EVA1C: variants seen among roughly 807,000 people sequenced by gnomAD.
The protein encoded by EVA1C is protein eva-1 homolog C.
In EVA1C, 25 loss-of-function variants were observed where a neutral mutation model predicts 45.4. The ratio of observed to expected loss-of-function variants is 0.55; its 90% CI spans 0.40 to 0.77. The LOEUF is 0.77. Among genes scored for constraint, EVA1C ranks in the 30% least tolerant of loss-of-function variants. The pLI is 0.00. For synonymous variants in EVA1C, 190 were observed against 221.2 expected (o/e 0.86, Z 1.25); for missense variants, 479 against 554.8 (o/e 0.86, Z 1.37).
At chr21:32,449,568 A>G (rs1037031236) in intron 1 of EVA1C, among the ~76,000 whole-genome samples, 2 of 151,032 alleles carry the variant, frequency 1.3e-5, no homozygotes, top group Non-Finnish European at 2.9e-5. Flanking sequence ...TTAGTGCTAA[A>G]TAACATTCCA....
At chr21:32,511,400 A>G (rs2037942636) in intron 7 of EVA1C, among the ~76,000 whole-genome samples, 1 of 135,326 alleles carries the variant, frequency 7.4e-6, no homozygotes, top group Non-Finnish European at 1.5e-5. Context: ...AGCCTGGGCA[A>G]CTGAGCAAAA....
chr21:32,438,651 C>G (rs1438638118), intron 1 of EVA1C, among the ~76,000 whole-genome samples: 1 of 152,060 alleles, frequency 6.6e-6, no homozygotes, highest in Non-Finnish European at 1.5e-5. Flanking sequence ...TCCAGGAAAG[C>G]CCCACTGGTA....
chr21:32,415,493 G>A (rs749957941), intron 1 of EVA1C, among the ~76,000 whole-genome samples: 4 of 152,056 alleles, frequency 2.6e-5, no homozygotes, highest in Admixed American at 1.3e-4. Context: ...GCAGAGTTTT[G>A]GAAAGTTCCT....
intron 4 of EVA1C, among the ~76,000 whole-genome samples, chr21:32,470,554 C>T (rs1032905848): frequency 6.6e-6 from 1 of 152,194 alleles, no homozygotes; most frequent in Admixed American, 6.5e-5. Flanking sequence ...GACTTGTGAG[C>T]TCCTGAACCC....
chr21:32,487,287 G>C (rs905901494), intron 4 of EVA1C, among the ~76,000 whole-genome samples: 1 of 152,154 alleles, frequency 6.6e-6, no homozygotes, highest in Non-Finnish European at 1.5e-5. Context: ...CCCCAAGCTG[G>C]AGAGAGAGGC....
intron 6 of EVA1C, 97 bp from the exon 7 acceptor site, chr21:32,503,829 T>C: frequency 1.4e-6 from 1 of 730,786 alleles, no homozygotes; most frequent in Non-Finnish European, 2.3e-6. Context: ...CTTTTAATTA[T>C]TCCGGCGGTC....
intron 1 of EVA1C, among the ~76,000 whole-genome samples, chr21:32,414,119 C>A (rs529029150): frequency 6.6e-6 from 1 of 152,236 alleles, no homozygotes; most frequent in South Asian, 2.1e-4. Context: ...AGTGGAGAGC[C>A]CTTAGGTCAG....
intron 4 of EVA1C, among the ~76,000 whole-genome samples, chr21:32,477,287 C>A (rs1312226281): frequency 6.6e-6 from 1 of 152,158 alleles, no homozygotes; most frequent in East Asian, 1.9e-4. Context: ...CCAACTCGTG[C>A]TCACTGCCTG....
Position 32,503,968 on chromosome 21 carries a change from A to T in EVA1C, c.902A>T (p.Asp301Val). 3 of 1,611,804 alleles carry T rather than the reference A, an allele frequency of 1.9e-6. No homozygotes were observed. The South Asian group carries it at 3.3e-5, about 18-fold the overall frequency. The change falls in exon 7 of 8, where the codon GAT (aspartate) becomes GTT (valine). Residue 301 changes from aspartate (D) to valine (V), a missense_variant. Transcript: ENST00000300255. The part of the protein sequence containing the change: ...DPSGSKVLRK[D>V]GILVSNSLAA... ...AGCGGATCGAAGGTTCTGAGGAAAG[A>T]TGGAATTCTTGTTAGCAACTCTCTG... is the stretch of plus-strand genomic sequence containing the variant.
chr21:32,457,684 A>G lies in EVA1C; in HGVS notation c.445A>G (p.Ser149Gly). The change falls in exon 3 of 8, where the codon AGT becomes GGT. Residue 149 changes from serine to glycine, a missense_variant. By Grantham distance (56) the Ser-to-Gly change is moderately conservative (BLOSUM62 0). Around this residue, in one of 3 missense-constraint regions of EVA1C, gnomAD observed 366 missense variants for 426.1 expected, o/e 0.86. Coordinates refer to ENST00000300255, the MANE Select transcript of EVA1C (RefSeq NM_058187.5). ...VFGPDLCPGS[S>G]KYLLVSFKCQ... is the part of the protein sequence containing the mutation. ...TGGACCTGACCTTTGTCCAGGAAGC[A>G]GTAAATACCTCCTGGTCTCCTTTAA... The G allele has an allele frequency of 6.2e-7, 1 of 1,614,186 alleles. No individual in the cohort carries two copies. The highest frequency in any genetic ancestry group is 8.5e-7 in the Non-Finnish European group (1 of 1,180,008).
chr21:32,492,609 C>T (rs1277028309), intron 4 of EVA1C, among the ~76,000 whole-genome samples: 3 of 152,100 alleles, frequency 2.0e-5, no homozygotes, highest in Admixed American at 1.3e-4. Flanking sequence ...ACAGCACCAG[C>T]CCTTGGCCTC....
At chr21:32,490,620 A>C (rs2037122394) in intron 4 of EVA1C, among the ~76,000 whole-genome samples, 1 of 152,204 alleles carries the variant, frequency 6.6e-6, no homozygotes, top group South Asian at 2.1e-4. Context: ...ATCAAAGGAC[A>C]CTTGAGTTGC....
At chr21:32,428,414 C>A in intron 1 of EVA1C, 1 of 152,364 alleles carries the variant, frequency 6.6e-6, no homozygotes, top group Non-Finnish European at 1.5e-5. Context: ...ACAGATAAGG[C>A]CCACATGGCT....
chr21:32,474,393 C>A lies in EVA1C; in HGVS notation c.634+6545C>A, dbSNP rs985381454. Among the ~76,000 whole-genome samples the A allele has an allele frequency of 2.0e-5, 3 of 152,174 alleles. No individual in the cohort carries two copies. Among genetic ancestry groups the A allele is most frequent in the African/African-American group, 4.8e-5 (2 of 41,442 alleles). On this transcript the variant is annotated intron_variant, in intron 4 of 7. Transcript: ENST00000300255. This position sits in a 1 kb window ranked among gnomAD's most constrained non-coding sequence, Gnocchi z 4.4. ...CCCCTGGGCCTTTGCACAAGCTGTCCCTTTGACCTGGACTGTGCTCACCCC... is the reference window on the plus strand; with the variant it reads ...CCCCTGGGCCTTTGCACAAGCTGTCACTTTGACCTGGACTGTGCTCACCCC...
chr21:32,450,435 T>C (rs2035538370), intron 1 of EVA1C, among the ~76,000 whole-genome samples: 2 of 151,206 alleles, frequency 1.3e-5, no homozygotes, highest in Middle Eastern at 6.8e-3. Context: ...GGATAAGCCA[T>C]GAATATTAAA....
chr21:32,495,246 G>T, intron 5 of EVA1C, 76 bp downstream of exon 5: 1 of 1,532,194 alleles, frequency 6.5e-7, no homozygotes, highest in Non-Finnish European at 8.9e-7. Flanking sequence ...GTGAACGGCA[G>T]GAGTTTGCCC....
chr21:32,496,155 T>C (rs1289832214), intron 5 of EVA1C, among the ~76,000 whole-genome samples: 1 of 152,164 alleles, frequency 6.6e-6, no homozygotes. Flanking sequence ...AATCCACCCA[T>C]TCATTACACC....
intron 3 of EVA1C, among the ~76,000 whole-genome samples, chr21:32,459,308 C>T (rs889047758): frequency 3.9e-5 from 6 of 152,204 alleles, no homozygotes; most frequent in East Asian, 1.9e-4. Flanking sequence ...GAACTCCCTT[C>T]GTGACCCCTC....
intron 2 of EVA1C, 61 bp from the exon 3 acceptor site, chr21:32,457,536 G>A (rs1024597618): frequency 8.7e-6 from 14 of 1,608,834 alleles, no homozygotes; most frequent in East Asian, 6.7e-5. Context: ...GCCCAGGTTC[G>A]GGTCTGGCAG....
Sources: allele counts gnomAD v4.1 joint callset (sites outside exome capture counted in the v4.1 genomes callset), GRCh38; gene constraint gnomAD v4.1.1; regional missense constraint gnomAD v4.1.1; non-coding constraint Gnocchi (gnomAD v3.1); transcripts MANE v1.5; gene names NCBI Gene and HGNC (gene_info 2026-07-23, HGNC 2026-07-21).